Variants in SLC7A10 observed in about 807,000 individuals in gnomAD.
SLC7A10 encodes the protein asc-type amino acid transporter 1.
Under a neutral mutation model 52.7 loss-of-function variants are expected in SLC7A10, and 30 were observed. The observed-to-expected ratio is 0.57, with a 90% confidence interval of 0.43 to 0.77. The LOEUF (loss-of-function observed/expected upper bound fraction) is 0.77. Ranked by LOEUF, SLC7A10 falls within the 30% of genes least tolerant of loss-of-function variation. The pLI is 0.00. For missense variants in SLC7A10, 581 were observed against 698.5 expected, an observed-to-expected ratio of 0.83 and a Z score of 1.90; for synonymous variants, 318 against 314.9, an observed-to-expected ratio of 1.01 and a Z score of -0.10.
chr19:33,209,224 G>C (rs1974481685), intron 10 of SLC7A10, 84 bp downstream of exon 10: 1 of 1,578,448 alleles, frequency 6.3e-7, no homozygotes, highest in Admixed American at 1.7e-5. Flanking sequence ...AGGACACCCT[G>C]CTCTGGGGTG....
At chr19:33,220,036 C>G (rs1024198188) in intron 1 of SLC7A10, 3 of 152,262 alleles carry the variant, frequency 2.0e-5, no homozygotes, top group Admixed American at 1.3e-4. Flanking sequence ...CCGGGGTGAT[C>G]GGCTGCGGCC....
intron 7 of SLC7A10, 79 bp downstream of exon 7, chr19:33,211,146 C>G (rs1974541121): frequency 3.6e-6 from 5 of 1,403,700 alleles, no homozygotes; most frequent in Non-Finnish European, 5.1e-6. Flanking sequence ...GTGTCCCTTC[C>G]TCTGGCCCAC....
At chr19:33,213,494 TAGCC>T (rs1974604767) in intron 2 of SLC7A10, among the ~76,000 whole-genome samples, 1 of 152,130 alleles carries the variant, frequency 6.6e-6, no homozygotes, top group Non-Finnish European at 1.5e-5. Context: ...TTCACCGTGT[TAGCC>T]AGGATGGTCT....
chr19:33,224,591 G>A (rs555416423), intron 1 of SLC7A10, among the ~76,000 whole-genome samples: 9 of 152,194 alleles, frequency 5.9e-5, no homozygotes, highest in South Asian at 4.2e-4. Context: ...GCAGGGGACC[G>A]GGAAGACTGG....
intron 1 of SLC7A10, among the ~76,000 whole-genome samples, chr19:33,219,016 G>A (rs1016232592): frequency 3.9e-5 from 6 of 152,032 alleles, no homozygotes; most frequent in African/African-American, 9.7e-5. Context: ...GAGGGGGCAC[G>A]GGATGGGCCT....
Position 33,225,690 on chromosome 19 carries a change from G to T in SLC7A10, c.14C>A (p.Thr5Lys). ...GTTCCCGCGCCCGCTCGGCTGCTGC[G>T]TGTGGCCGGCCATGTCGCTGTCCCG... Reference protein sequence around the residue: MAGHTQQPSGRGNPR... With the variant: MAGHKQQPSGRGNPR... The change falls in exon 1 of 11, where the codon ACG becomes AAG. Residue 5 changes from threonine (T) to lysine (K), a missense_variant. Physicochemically the swap from Thr to Lys is moderately conservative, Grantham distance 78. Transcript: ENST00000253188. The T allele has an allele frequency of 6.5e-7, 1 of 1,540,398 alleles. No individual in the cohort carries two copies. The highest frequency in any genetic ancestry group is 8.7e-7 in the Non-Finnish European group (1 of 1,153,036).
chr19:33,217,201 A>AG (rs1974706203), intron 1 of SLC7A10, among the ~76,000 whole-genome samples: 1 of 150,914 alleles, frequency 6.6e-6, no homozygotes, highest in East Asian at 2.0e-4. Context: ...TGTAGAGTTG[A>AG]GGGGTCCCAC....
At position 33,212,552 on chromosome 19, in the gene SLC7A10, G is replaced by A. The variant is rs752935757; in HGVS notation, c.596C>T (p.Ser199Phe). 1.2e-6 allele frequency: 2 copies of A among 1,614,028 alleles called. No homozygotes were observed. The highest frequency in any genetic ancestry group is 2.2e-5 in the East Asian group (1 of 44,886). Residue 199 changes from serine to phenylalanine, a missense_variant, in exon 4 of 11, where the codon TCC becomes TTC. Transcript: ENST00000253188. ...MFTGGKLLAL[S>F]LIIGVGLLQI... is the part of the protein sequence containing the mutation. ...GAGAAGGCCCACGCCGATGATGAGG[G>A]ACAAGGCCAGCAGCTTCCCGCCTGT...
chr19:33,218,132 G>C (rs1974729103), intron 1 of SLC7A10, among the ~76,000 whole-genome samples: 1 of 152,128 alleles, frequency 6.6e-6, no homozygotes, highest in African/African-American at 2.4e-5. Flanking sequence ...TTCACGCTGG[G>C]AGCATCCCAG....
Position 33,212,402 on chromosome 19 carries a change from C to G in SLC7A10, c.678G>C (p.Trp226Cys). The G allele has an allele frequency of 6.2e-7, 1 of 1,613,944 alleles. No homozygotes were observed. The change falls in exon 5 of 11, where the codon TGG (tryptophan) becomes TGC (cysteine). Residue 226 changes from tryptophan to cysteine, a missense_variant. By Grantham distance (215) the Trp-to-Cys change is radical. Transcript: ENST00000253188. ...ELRPSNAFAF[W>C]MTPSVGHLAL... is the part of the protein sequence containing the mutation. ...CCAGGTGTCCCACGGAGGGCGTCAT[C>G]CAGAAAGCAAAGGCATTGCTGGGCC...
intron 1 of SLC7A10, among the ~76,000 whole-genome samples, chr19:33,222,788 T>G (rs1427475602): frequency 1.3e-5 from 2 of 152,178 alleles, no homozygotes; most frequent in Non-Finnish European, 2.9e-5. Context: ...CCATCTGTGC[T>G]TGCAGTGGCC....
intron 2 of SLC7A10, 70 bp from the exon 3 acceptor site, chr19:33,213,072 G>A (rs1205482361): frequency 1.4e-5 from 22 of 1,544,484 alleles, no homozygotes; most frequent in Non-Finnish European, 1.9e-5. Context: ...GCCCTGATGT[G>A]TGCAGCAGGG....
In SLC7A10 at chr19:33,209,046, G is replaced by A. The variant is rs756358736; in HGVS notation, c.1442-25C>T. On this transcript the variant is annotated intron_variant, in intron 10 of 10. Coordinates refer to ENST00000253188, the MANE Select transcript of SLC7A10 (RefSeq NM_019849.3). Reference sequence around the variant, plus strand: ...TCTGAGGACAGACAGATGGACCTTGGGGCCTGACCTCTCGGGATAGGGGTG... The same window carrying A: ...TCTGAGGACAGACAGATGGACCTTGAGGCCTGACCTCTCGGGATAGGGGTG... 5 of 1,612,804 alleles carry A rather than the reference G, an allele frequency of 3.1e-6. No individual in the cohort carries two copies. The South Asian group carries it at 5.5e-5, about 18-fold the overall frequency.
chr19:33,213,807 A>T (rs1423600553), intron 2 of SLC7A10, among the ~76,000 whole-genome samples: 1 of 152,148 alleles, frequency 6.6e-6, no homozygotes, highest in Non-Finnish European at 1.5e-5. Flanking sequence ...AGAGTGATGG[A>T]TGCCCCTTCT....
chr19:33,225,160 C>G (rs1460051468), intron 1 of SLC7A10, among the ~76,000 whole-genome samples: 1 of 152,256 alleles, frequency 6.6e-6, no homozygotes, highest in East Asian at 1.9e-4. Flanking sequence ...ACTTGGGGAG[C>G]TCAGCCTGCC....
Position 33,215,764 on chromosome 19 carries a change from C to A in SLC7A10, c.356+5G>T, listed in dbSNP as rs1185710876. On this transcript the variant is annotated splice_donor_5th_base_variant and intron_variant, in intron 2 of 10. Coordinates refer to ENST00000253188, the MANE Select transcript of SLC7A10 (RefSeq NM_019849.3). ...TCCCCCTGCCCGCTGGTGCCCCACA[C>A]TCACCCAGCCAGGCCCCCGAAGATC... 2 of 1,553,400 alleles carry A rather than the reference C, an allele frequency of 1.3e-6. No homozygotes were observed. Among genetic ancestry groups the A allele is most frequent in the Non-Finnish European group, 1.7e-6 (2 of 1,148,188 alleles).
Position 33,208,920 on chromosome 19 carries a change from C to T in SLC7A10, c.1543G>A (p.Ala515Thr), listed in dbSNP as rs555542003. ...TGTGGCTTCGAGGGCTTGTCTGTGG[C>T]AGGCAGCAGGGAGGGTGGGCAGGGG... is the stretch of plus-strand genomic sequence containing the variant. ...NGPCPPSLLPATDKPSKPQ is the reference protein window; with the variant it reads ...NGPCPPSLLPTTDKPSKPQ Residue 515 changes from alanine (A) to threonine (T), a missense_variant, in exon 11 of 11, where the codon GCC (alanine) becomes ACC (threonine). Physicochemically the swap from Ala to Thr is moderately conservative, Grantham distance 58. Transcript: ENST00000253188. This position sits in a 1 kb window ranked among gnomAD's most constrained non-coding sequence, Gnocchi z 4.7. 2 of 1,612,170 alleles carry T rather than the reference C, an allele frequency of 1.2e-6. No individual in the cohort carries two copies. The highest frequency in any genetic ancestry group is 2.2e-5 in the East Asian group (1 of 44,790).
intron 7 of SLC7A10, 157 bp downstream of exon 7, chr19:33,211,068 T>C (rs780044643): frequency 1.1e-5 from 11 of 963,258 alleles, no homozygotes; most frequent in Non-Finnish European, 1.8e-5. Flanking sequence ...TGCCTCCCAG[T>C]TGTGATCAGA....
Position 33,208,801 on chromosome 19 carries a change from GA to G in SLC7A10, c.*89del, listed in dbSNP as rs1204562041. 41 of 1,566,098 alleles carry G rather than the reference GA, an allele frequency of 2.6e-5. No individual in the cohort carries two copies. Among genetic ancestry groups the G allele is most frequent in the Middle Eastern group, 3.4e-4 (2 of 5,946 alleles). On this transcript the variant is annotated 3_prime_UTR_variant, in exon 11 of 11. Coordinates refer to ENST00000253188, the MANE Select transcript of SLC7A10 (RefSeq NM_019849.3). This position sits in a 1 kb window ranked among gnomAD's most constrained non-coding sequence, Gnocchi z 4.7. ...TCGTATCTTTTTTCTTTTTTTTCCA[GA>G]AAAAAACAAAACAAAACTTTTTTGC...
Sources: allele counts gnomAD v4.1 joint callset (sites outside exome capture counted in the v4.1 genomes callset), GRCh38; gene constraint gnomAD v4.1.1; non-coding constraint Gnocchi (gnomAD v3.1); transcripts MANE v1.5; gene names NCBI Gene and HGNC (gene_info 2026-07-23, HGNC 2026-07-21).